PLA2G15: variants seen among roughly 807,000 people sequenced by gnomAD.
PLA2G15 encodes lysosomal phospholipase A and acyltransferase.
PLA2G15 carries 20 observed loss-of-function variants against 40.9 expected under a neutral mutation model. The observed-to-expected ratio is 0.49, with a 90% CI of 0.34 to 0.71. The LOEUF (loss-of-function observed/expected upper bound fraction) is 0.71. Ranked by LOEUF, PLA2G15 falls within the 30% of genes least tolerant of loss-of-function variation. The pLI, the probability that PLA2G15 is intolerant of heterozygous loss-of-function variation, is 0.01. For missense variants in PLA2G15, 471 were observed against 541.9 expected (o/e 0.87, Z 1.30); for synonymous variants, 223 against 228.2 (o/e 0.98, Z 0.21).
In PLA2G15 at chr16:68,259,079, T is replaced by C; in HGVS notation, c.728-67T>C. The C allele has an allele frequency of 7.0e-7, 1 of 1,424,134 alleles. No individual in the cohort carries two copies. Among genetic ancestry groups the C allele is most frequent in the Non-Finnish European group, 9.6e-7 (1 of 1,039,912 alleles). 88.2% of individuals were successfully genotyped at this position (1,424,134 alleles called of 1,614,324 possible). A position where few individuals can be genotyped will look rare whatever the true frequency, so the allele number is the denominator to read the frequency against. ...TGGCTGGGGTCTGGCAGGGGCCTGG[T>C]GGTGAACATGCTGCCCAACCAGCTG... On this transcript the variant is annotated intron_variant, in intron 5 of 5. Coordinates refer to ENST00000219345, the MANE Select transcript of PLA2G15 (RefSeq NM_012320.4). This position sits in a 1 kb window ranked among gnomAD's most constrained non-coding sequence, Gnocchi z 6.5.
intron 2 of PLA2G15, among the ~76,000 whole-genome samples, chr16:68,253,840 C>T (rs2042377223): frequency 1.3e-5 from 2 of 151,896 alleles, no homozygotes; most frequent in Admixed American, 6.6e-5. Flanking sequence ...CAGGCCTGCA[C>T]CACCATGCCT....
chr16:68,249,937 C>A (rs952166518), intron 2 of PLA2G15, among the ~76,000 whole-genome samples: 2 of 152,164 alleles, frequency 1.3e-5, no homozygotes, highest in Non-Finnish European at 2.9e-5. Flanking sequence ...ACCTTGGACT[C>A]CCAAAGTGCT....
chr16:68,255,087 C>T lies in PLA2G15; in HGVS notation c.403+50C>T, dbSNP rs372314597. 42 of 1,268,460 alleles carry T rather than the reference C, an allele frequency of 3.3e-5. No individual in the cohort carries two copies. The highest frequency in any genetic ancestry group is 4.1e-4 in the Middle Eastern group (2 of 4,864). 78.6% of individuals were successfully genotyped at this position (1,268,460 alleles called of 1,614,324 possible). ...CCGGGAGCTGGGATGGGGTTTCTGCCGGACTGGAGCTGGAGCTGGAGGAAC... is the reference window on the plus strand; with the variant it reads ...CCGGGAGCTGGGATGGGGTTTCTGCTGGACTGGAGCTGGAGCTGGAGGAAC... On this transcript the variant is annotated intron_variant, in intron 3 of 5. Transcript: ENST00000219345. The surrounding 1 kb of genome is among the most constrained non-coding windows in gnomAD (Gnocchi z 5.9).
chr16:68,257,532 C>T (rs895169736), intron 5 of PLA2G15, among the ~76,000 whole-genome samples: 1 of 152,206 alleles, frequency 6.6e-6, no homozygotes, highest in African/African-American at 2.4e-5. Context: ...GAGCTTCTTC[C>T]TCTAGAAGGG....
chr16:68,254,767 A>C, intron 2 of PLA2G15, 152 bp from the exon 3 acceptor site: 2 of 652,312 alleles, frequency 3.1e-6, no homozygotes, highest in Non-Finnish European at 5.5e-6. Context: ...TCTGTGCTTT[A>C]TCAACCTGCT....
At chr16:68,253,132 G>C (rs2042368585) in intron 2 of PLA2G15, among the ~76,000 whole-genome samples, 1 of 152,152 alleles carries the variant, frequency 6.6e-6, no homozygotes, top group Non-Finnish European at 1.5e-5. Flanking sequence ...GGTACTGGGA[G>C]GTCATAGGAG....
chr16:68,259,609 C>T lies in PLA2G15; in HGVS notation c.1191C>T (p.Ala397=). 3.1e-6 allele frequency: 5 copies of T among 1,613,360 alleles called. No homozygotes were observed. Among genetic ancestry groups the T allele is most frequent in the Non-Finnish European group, 3.4e-6 (4 of 1,180,016 alleles). Residue 397 remains alanine, a synonymous_variant, in exon 6 of 6, where the codon GCC becomes GCT. Coordinates refer to ENST00000219345, the MANE Select transcript of PLA2G15 (RefSeq NM_012320.4). The surrounding 1 kb of genome is among the most constrained non-coding windows in gnomAD (Gnocchi z 6.5). ...LPGSEHIEML[A]NATTLAYLKR... ...GCAGCGAGCACATCGAGATGCTGGC[C>T]AACGCCACCACCCTGGCCTATCTGA...
rs1367412320 is a variant in PLA2G15 at position 68,250,060 on chromosome 16, C to T, written c.284+614C>T. Among the ~76,000 whole-genome samples the T allele has an allele frequency of 1.3e-5, 2 of 151,918 alleles. 1 individual carries two copies. Among genetic ancestry groups the T allele is most frequent in the Admixed American group, 1.3e-4 (2 of 15,234 alleles). ...CTTTCCTTGTCTGTGCCTCGGCCTCCCCTACCTCTCCAGCTGCTTATTCTT... is the reference window on the plus strand; with the variant it reads ...CTTTCCTTGTCTGTGCCTCGGCCTCTCCTACCTCTCCAGCTGCTTATTCTT... On this transcript the variant is annotated intron_variant, in intron 2 of 5. Transcript: ENST00000219345.
rs1353015085 is a variant in PLA2G15, at chr16:68,260,492, C to A, written c.*835C>A. 6.6e-6 allele frequency: 1 copy of A among 152,422 alleles called. No individual in the cohort carries two copies. Among genetic ancestry groups the A allele is most frequent in the Non-Finnish European group, 1.5e-5 (1 of 68,114 alleles). The allele number at this position is 152,422 out of a possible 1,614,324, so 9.4% of individuals were successfully genotyped here. A position where few individuals can be genotyped will look rare whatever the true frequency, so the allele number is the denominator to read the frequency against. ...GGTTGGAGCCATGGCCTTCTGGGAA[C>A]CTATGGAGAAAGGGAATCCAAGGAA... On this transcript the variant is annotated 3_prime_UTR_variant, in exon 6 of 6. Coordinates refer to ENST00000219345, the MANE Select transcript of PLA2G15 (RefSeq NM_012320.4).
At chr16:68,248,714 C>A in intron 1 of PLA2G15, 1 of 992,856 alleles carries the variant, frequency 1.0e-6, no homozygotes, top group South Asian at 4.4e-5. Flanking sequence ...ATGACAAGGG[C>A]CTTGGCCAAA....
At chr16:68,258,979 C>T in intron 5 of PLA2G15, 167 bp from the exon 6 acceptor site, 1 of 618,864 alleles carries the variant, frequency 1.6e-6, no homozygotes. Context: ...AAAAAAGAGC[C>T]AAGGCAGGGA....
At chr16:68,252,438 C>A in intron 2 of PLA2G15, 1 of 399,876 alleles carries the variant, frequency 2.5e-6, no homozygotes, top group Non-Finnish European at 5.1e-6. Flanking sequence ...CGCACAGAGG[C>A]ACAAGGCTTT....
At position 68,259,300 on chromosome 16, in the gene PLA2G15, C is replaced by T. The variant is rs2042425010; in HGVS notation, c.882C>T (p.Asp294=). ...CCACAATCAACTACACACTGCGGGACTACCGCAAGTTCTTCCAGGACATCG... is the reference window on the plus strand; with the variant it reads ...CCACAATCAACTACACACTGCGGGATTACCGCAAGTTCTTCCAGGACATCG... The part of the protein sequence containing the change: ...QTPTINYTLR[D]YRKFFQDIGF... Residue 294 remains aspartate (D), a synonymous_variant, in exon 6 of 6, where the codon GAC becomes GAT. Transcript: ENST00000219345. This position sits in a 1 kb window ranked among gnomAD's most constrained non-coding sequence, Gnocchi z 6.5. 6.2e-7 allele frequency: 1 copy of T among 1,614,066 alleles called. No individual in the cohort carries two copies. The highest frequency in any genetic ancestry group is 8.5e-7 in the Non-Finnish European group (1 of 1,180,012).
At chr16:68,246,249 C>T (rs1188285491) in intron 1 of PLA2G15, among the ~76,000 whole-genome samples, 1 of 151,222 alleles carries the variant, frequency 6.6e-6, no homozygotes, top group African/African-American at 2.4e-5. Flanking sequence ...GCTCACCCCG[C>T]TCCTTGATCA....
chr16:68,254,993 A>G lies in PLA2G15; in HGVS notation c.359A>G (p.Lys120Arg). ...GVDVRVPGFG[K>R]TFSLEFLDPS... The stretch of plus-strand genomic sequence containing the variant: ...GATGTACGTGTCCCTGGCTTTGGGA[A>G]GACCTTCTCACTGGAGTTCCTGGAC... Residue 120 changes from lysine to arginine, a missense_variant, in exon 3 of 6, where the codon AAG becomes AGG. Lys to Arg is a conservative substitution (Grantham distance 26). Transcript: ENST00000219345. 6.2e-7 allele frequency: 1 copy of G among 1,613,970 alleles called. No homozygotes were observed. Among genetic ancestry groups the G allele is most frequent in the Non-Finnish European group, 8.5e-7 (1 of 1,179,910 alleles).
chr16:68,255,718 G>A lies in PLA2G15; in HGVS notation c.503-48G>A, dbSNP rs777902833. Reference sequence around the variant, plus strand: ...GGCCTGAGAAAAGCTCAGTGGTTCCGGCTCCAGGACCCTTCCCACCTGACC... The same window carrying A: ...GGCCTGAGAAAAGCTCAGTGGTTCCAGCTCCAGGACCCTTCCCACCTGACC... On this transcript the variant is annotated intron_variant, in intron 4 of 5. Coordinates refer to ENST00000219345, the MANE Select transcript of PLA2G15 (RefSeq NM_012320.4). The surrounding 1 kb of genome is among the most constrained non-coding windows in gnomAD (Gnocchi z 5.9). The A allele has an allele frequency of 8.0e-6, 12 of 1,507,710 alleles. No homozygotes were observed. The highest frequency in any genetic ancestry group is 2.3e-5 in the South Asian group (2 of 88,814). The allele number at this position is 1,507,710 out of a possible 1,614,324, so 93.4% of individuals were successfully genotyped here.
chr16:68,255,701 A>G lies in PLA2G15; in HGVS notation c.503-65A>G. The G allele has an allele frequency of 7.2e-7, 1 of 1,384,528 alleles. No homozygotes were observed. Among genetic ancestry groups the G allele is most frequent in the South Asian group, 1.2e-5 (1 of 85,920 alleles). The allele number at this position is 1,384,528 out of a possible 1,614,324, so 85.8% of individuals were successfully genotyped here. On this transcript the variant is annotated intron_variant, in intron 4 of 5. Transcript: ENST00000219345. This position sits in a 1 kb window ranked among gnomAD's most constrained non-coding sequence, Gnocchi z 5.9. Reference sequence around the variant, plus strand: ...CCTCTCGTCTTGTGTCTGGCCTGAGAAAAGCTCAGTGGTTCCGGCTCCAGG... The same window carrying G: ...CCTCTCGTCTTGTGTCTGGCCTGAGGAAAGCTCAGTGGTTCCGGCTCCAGG...
chr16:68,248,128 A>G (rs946229959), intron 1 of PLA2G15, among the ~76,000 whole-genome samples: 4 of 152,174 alleles, frequency 2.6e-5, no homozygotes, highest in African/African-American at 9.7e-5. Context: ...CTGGCACCTT[A>G]CTGGACTCTG....
At chr16:68,246,242 C>G (rs563172559) in intron 1 of PLA2G15, among the ~76,000 whole-genome samples, 1 of 150,814 alleles carries the variant, frequency 6.6e-6, no homozygotes, top group Middle Eastern at 3.5e-3. Flanking sequence ...CTCCCCTGCT[C>G]ACCCCGCTCC....
Sources: allele counts gnomAD v4.1 joint callset (sites outside exome capture counted in the v4.1 genomes callset), GRCh38; gene constraint gnomAD v4.1.1; non-coding constraint Gnocchi (gnomAD v3.1); transcripts MANE v1.5; gene names NCBI Gene and HGNC (gene_info 2026-07-23, HGNC 2026-07-21).